The following TCF7L1 variants were observed in gnomAD, a reference collection of about 807,000 sequenced individuals.
The protein encoded by TCF7L1 is transcription factor 7-like 1.
TCF7L1 carries 18 observed loss-of-function variants against 63.7 expected under a neutral mutation model. The ratio of observed to expected loss-of-function variants is 0.28; its 90% CI spans 0.20 to 0.42. TCF7L1 has a LOEUF of 0.42. Among genes scored for constraint, TCF7L1 ranks in the 10% least tolerant of loss-of-function variants. The probability of loss-of-function intolerance (pLI) is 1.00; values close to 1 mark genes in which losing one functional copy is unlikely to be tolerated. For synonymous variants in TCF7L1, 355 were observed against 340.9 expected, an observed-to-expected ratio of 1.04 and a Z score of -0.46; for missense variants, 654 against 779.3, an observed-to-expected ratio of 0.84 and a Z score of 1.91.
intron 4 of TCF7L1, among the ~76,000 whole-genome samples, chr2:85,289,865 G>T (rs1681647693): frequency 6.6e-6 from 1 of 152,020 alleles, no homozygotes; most frequent in South Asian, 2.1e-4. Flanking sequence ...GTAGAGACGG[G>T]GTTTCATCAT....
At position 85,175,708 on chromosome 2, in the gene TCF7L1, A is replaced by G. The variant is rs1324777416; in HGVS notation, c.441+41258A>G. On this transcript the variant is annotated intron_variant, in intron 3 of 11. Transcript: ENST00000282111. ...TGCCTAAATAGTAGTGAACAGAGAA[A>G]AAAAGAACATTAAAATAGGAAGCTG... is the stretch of plus-strand genomic sequence containing the variant. 2.0e-5 allele frequency among the ~76,000 whole-genome samples: 3 copies of G among 152,390 alleles called. No homozygotes were observed. The East Asian group carries it at 5.8e-4, about 29-fold the overall frequency.
At chr2:85,289,152 A>G (rs1681627507) in intron 4 of TCF7L1, among the ~76,000 whole-genome samples, 1 of 150,054 alleles carries the variant, frequency 6.7e-6, no homozygotes, top group Admixed American at 6.6e-5. Context: ...GGAAAATGCC[A>G]GAAAGCACAG....
chr2:85,157,386 A>G (rs1678173850), intron 3 of TCF7L1, among the ~76,000 whole-genome samples: 1 of 152,228 alleles, frequency 6.6e-6, no homozygotes, highest in South Asian at 2.1e-4. Context: ...AGTCCTCAGA[A>G]TGACCCTGCA....
intron 3 of TCF7L1, among the ~76,000 whole-genome samples, chr2:85,194,192 C>T (rs929100236): frequency 6.6e-6 from 1 of 152,080 alleles, no homozygotes; most frequent in Non-Finnish European, 1.5e-5. Context: ...GAGGGATTAC[C>T]TTCGGGAAAT....
At chr2:85,139,819 G>A (rs1463919429) in intron 3 of TCF7L1, among the ~76,000 whole-genome samples, 1 of 152,176 alleles carries the variant, frequency 6.6e-6, no homozygotes, top group East Asian at 1.9e-4. Flanking sequence ...GAAGGGGCCA[G>A]GACATGGGCT....
At chr2:85,166,258 A>G (rs1678417032) in intron 3 of TCF7L1, among the ~76,000 whole-genome samples, 1 of 152,186 alleles carries the variant, frequency 6.6e-6, no homozygotes. Context: ...CTCAGCCTGG[A>G]TCTGGAGCAC....
At chr2:85,232,908 T>G (rs1162872619) in intron 3 of TCF7L1, 1 of 152,114 alleles carries the variant, frequency 6.6e-6, no homozygotes, top group Non-Finnish European at 1.5e-5. Flanking sequence ...GGATTCTTTT[T>G]TGTTTTTTGT....
chr2:85,166,861 G>C (rs17762507), intron 3 of TCF7L1: 7,777 of 152,300 alleles, frequency 0.051, 223 homozygotes, highest in Middle Eastern at 0.092. Flanking sequence ...TACTGTGTCT[G>C]GGTTTTATGG....
intron 4 of TCF7L1, among the ~76,000 whole-genome samples, chr2:85,285,836 GTTTC>G (rs1272032150): frequency 1.3e-5 from 2 of 152,168 alleles, no homozygotes; most frequent in Non-Finnish European, 2.9e-5. Flanking sequence ...CTCTGTCTTA[GTTTC>G]TCTCTGCATA....
At chr2:85,167,562 T>C (rs2104230490) in intron 3 of TCF7L1, among the ~76,000 whole-genome samples, 1 of 152,242 alleles carries the variant, frequency 6.6e-6, no homozygotes, top group South Asian at 2.1e-4. Flanking sequence ...GGAATATCAT[T>C]CAGCTTTTTA....
chr2:85,241,431 G>GTTTTTTTTTTTTTTTTTTTTTTT (rs1273488175), intron 3 of TCF7L1, among the ~76,000 whole-genome samples: 2 of 68,782 alleles, frequency 2.9e-5, no homozygotes, highest in African/African-American at 5.2e-5. Flanking sequence ...GATGCACTTT[G>GTTTTTTTTTTTTTTTTTTTTTTT]TTTTTGTTTT....
intron 4 of TCF7L1, among the ~76,000 whole-genome samples, chr2:85,284,132 T>C (rs1681486320): frequency 6.6e-6 from 1 of 152,228 alleles, no homozygotes; most frequent in Non-Finnish European, 1.5e-5. Context: ...TGCCTCAGCC[T>C]CCCAAGTAGC....
intron 3 of TCF7L1, among the ~76,000 whole-genome samples, chr2:85,170,439 G>A (rs1298114190): frequency 2.0e-5 from 3 of 152,168 alleles, no homozygotes; most frequent in Non-Finnish European, 4.4e-5. Flanking sequence ...CTCAGGGTTT[G>A]GAGTGCCAAA....
chr2:85,172,481 C>T (rs1678569091), intron 3 of TCF7L1, among the ~76,000 whole-genome samples: 1 of 152,218 alleles, frequency 6.6e-6, no homozygotes, highest in African/African-American at 2.4e-5. Context: ...GGCTGGAGTG[C>T]AGTGGCGCGA....
intron 3 of TCF7L1, among the ~76,000 whole-genome samples, chr2:85,165,837 T>C (rs1678404073): frequency 1.3e-5 from 2 of 152,216 alleles, no homozygotes; most frequent in South Asian, 2.1e-4. Context: ...TGTCATCTTA[T>C]GTAGCTGAAG....
rs142788321 is a variant in TCF7L1, at chr2:85,283,341, G to A, written c.442-154G>A. 2.4e-3 allele frequency among the ~76,000 whole-genome samples: 358 copies of A among 149,684 alleles called. 1 individual carries two copies. Among genetic ancestry groups the A allele is most frequent in the African/African-American group, 8.4e-3 (333 of 39,564 alleles). ...ATATATGCTCGCTCCTGTTATAATCGTTTGGAAATTGACCCAGTACAGGGC... is the reference window on the plus strand; with the variant it reads ...ATATATGCTCGCTCCTGTTATAATCATTTGGAAATTGACCCAGTACAGGGC... On this transcript the variant is annotated intron_variant, in intron 3 of 11. Transcript: ENST00000282111.
At chr2:85,151,389 TTCTC>T (rs138817431) in intron 3 of TCF7L1, among the ~76,000 whole-genome samples, 47 of 152,234 alleles carry the variant, frequency 3.1e-4, no homozygotes, top group South Asian at 2.1e-3. Flanking sequence ...TTCAGAGTGT[TTCTC>T]TCTCTCTCCC....
intron 4 of TCF7L1, among the ~76,000 whole-genome samples, chr2:85,291,936 G>A (rs1028660751): frequency 1.3e-5 from 2 of 150,682 alleles, no homozygotes; most frequent in Non-Finnish European, 3.0e-5. Context: ...GACCTCCCAG[G>A]CTCAAGTGAT....
intron 3 of TCF7L1, among the ~76,000 whole-genome samples, chr2:85,150,871 A>G (rs1386723067): frequency 1.3e-5 from 2 of 152,154 alleles, no homozygotes; most frequent in Non-Finnish European, 2.9e-5. Flanking sequence ...TTTAGTGGCC[A>G]TTGATGATTC....
Sources: gnomAD v4.1 joint callset for allele counts (sites outside exome capture counted in the v4.1 genomes callset) on GRCh38, gnomAD v4.1.1 for gene constraint, MANE v1.5 for transcripts, NCBI Gene and HGNC (gene_info 2026-07-23, HGNC 2026-07-21) for gene names.